Variants in TMEM178B observed in about 807,000 individuals in gnomAD.
The protein encoded by TMEM178B is transmembrane protein 178B.
Under a neutral mutation model 31.0 loss-of-function variants are expected in TMEM178B, and 5 were observed. The ratio of observed to expected loss-of-function variants is 0.16; its 90% CI spans 0.08 to 0.34. The LOEUF (loss-of-function observed/expected upper bound fraction) is 0.34, where lower values mean the gene tolerates loss of function less well. Among genes scored for constraint, TMEM178B ranks in the 10% least tolerant of loss-of-function variants. The pLI is 1.00. For missense variants in TMEM178B, 275 were observed against 400.3 expected, an observed-to-expected ratio of 0.69 and a Z score of 2.67; for synonymous variants, 164 against 164.0, an observed-to-expected ratio of 1.00 and a Z score of 0.00.
Position 141,402,721 on chromosome 7 carries a change from G to C in TMEM178B, c.497-34887G>C, listed in dbSNP as rs556655397. On this transcript the variant is annotated intron_variant, in intron 2 of 3. Transcript: ENST00000565468. ...TTGTAACTTTGGCTAGTTTGGGTCTGTAATTAGCCCCCACCAACCTGTGAT... is the reference window on the plus strand; with the variant it reads ...TTGTAACTTTGGCTAGTTTGGGTCTCTAATTAGCCCCCACCAACCTGTGAT... 2.0e-5 allele frequency among the ~76,000 whole-genome samples: 3 copies of C among 152,368 alleles called. No individual in the cohort carries two copies. In the South Asian group the frequency reaches 6.2e-4, roughly 32 times the overall value.
chr7:141,505,898 A>AGGT, the TMEM178B span, among the ~76,000 whole-genome samples: 1 of 152,222 alleles, frequency 6.6e-6, no homozygotes, highest in East Asian at 1.9e-4. Flanking sequence ...GTAGTAGACC[A>AGGT]GGTGCTGACT....
intron 2 of TMEM178B, among the ~76,000 whole-genome samples, chr7:141,349,955 G>GCATCCATCCATCCATC (rs60758674): frequency 6.7e-6 from 1 of 150,120 alleles, no homozygotes; most frequent in Non-Finnish European, 1.5e-5. Context: ...ATGCATCCAT[G>GCATCCATCCATCCATC]CATCCATCCA....
chr7:141,211,459 T>A (rs920449967), intron 1 of TMEM178B, among the ~76,000 whole-genome samples: 12 of 152,230 alleles, frequency 7.9e-5, no homozygotes, highest in Non-Finnish European at 1.3e-4. Context: ...AGTTCAATCA[T>A]GTGCACCACT....
rs552984993 is a variant in TMEM178B, at chr7:141,161,783, GTGTT to G, written c.383-50804_383-50801del. On this transcript the variant is annotated intron_variant, in intron 1 of 3. Transcript: ENST00000565468. ...GTGGGTGGTGTGTGTGACAGTGTGT[GTGTT>G]TGTGTGTGAAGAGTGTGTATGAGAG... Among the ~76,000 whole-genome samples, 60 of 152,144 alleles carry G rather than the reference GTGTT, an allele frequency of 3.9e-4. 1 individual carries two copies. The Middle Eastern group carries it at 0.027, about 69-fold the overall frequency.
rs1362472089 is a variant in TMEM178B at position 141,176,846 on chromosome 7, T to C, written c.383-35745T>C. ...TATGCGTCTATTTGATTCTTCTCTCTTTTCTTATTAGTCTGGCTAGTGGCC... is the reference window on the plus strand; with the variant it reads ...TATGCGTCTATTTGATTCTTCTCTCCTTTCTTATTAGTCTGGCTAGTGGCC... On this transcript the variant is annotated intron_variant, in intron 1 of 3. Coordinates refer to ENST00000565468, the MANE Select transcript of TMEM178B (RefSeq NM_001195278.2). Among the ~76,000 whole-genome samples, 3 of 152,176 alleles carry C rather than the reference T, an allele frequency of 2.0e-5. No homozygotes were observed. In the East Asian group the frequency reaches 5.8e-4, roughly 29 times the overall value.
chr7:141,394,714 G>C (rs1486543354), intron 2 of TMEM178B, among the ~76,000 whole-genome samples: 1 of 152,108 alleles, frequency 6.6e-6, no homozygotes, highest in East Asian at 1.9e-4. Context: ...GGTATTTTGA[G>C]CAAGTTCTGT....
At chr7:141,454,065 C>T (rs187727290) in intron 3 of TMEM178B, among the ~76,000 whole-genome samples, 225 of 152,182 alleles carry the variant, frequency 1.5e-3, no homozygotes, top group Non-Finnish European at 2.6e-3. Flanking sequence ...CTAAGAATCT[C>T]TTCTTGAAGT....
chr7:141,303,595 G>A (rs1391320013), intron 2 of TMEM178B, among the ~76,000 whole-genome samples: 2 of 152,178 alleles, frequency 1.3e-5, no homozygotes, highest in Non-Finnish European at 2.9e-5. Flanking sequence ...GAGGCCTGAG[G>A]CTGCTCTTGC....
At chr7:141,350,674 C>T (rs908711457) in intron 2 of TMEM178B, among the ~76,000 whole-genome samples, 1 of 151,924 alleles carries the variant, frequency 6.6e-6, no homozygotes, top group African/African-American at 2.4e-5. Flanking sequence ...ATATGTTTAC[C>T]AGGTTAAATT....
At chr7:141,369,806 A>G (rs2116566060) in intron 2 of TMEM178B, among the ~76,000 whole-genome samples, 1 of 152,302 alleles carries the variant, frequency 6.6e-6, no homozygotes, top group East Asian at 1.9e-4. Context: ...CTTTTTCAAC[A>G]CAACTTTTAA....
At chr7:141,467,732 C>T (rs534951287) in intron 3 of TMEM178B, among the ~76,000 whole-genome samples, 4 of 152,178 alleles carry the variant, frequency 2.6e-5, no homozygotes, top group Admixed American at 6.5e-5. Flanking sequence ...GTCTGCCCTC[C>T]GACAGCCGCT....
intron 2 of TMEM178B, among the ~76,000 whole-genome samples, chr7:141,429,340 C>G (rs1187238230): frequency 7.2e-6 from 1 of 138,502 alleles, no homozygotes; most frequent in Non-Finnish European, 1.6e-5. Context: ...CACACACACA[C>G]TCATACAATA....
intron 2 of TMEM178B, among the ~76,000 whole-genome samples, chr7:141,427,522 A>T (rs1441208977): frequency 6.6e-6 from 1 of 152,216 alleles, no homozygotes; most frequent in Non-Finnish European, 1.5e-5. Context: ...ATTCAATTAG[A>T]ACCTTATCTC....
intron 1 of TMEM178B, among the ~76,000 whole-genome samples, chr7:141,116,425 T>G (rs1795319211): frequency 1.3e-5 from 2 of 152,156 alleles, no homozygotes. Flanking sequence ...TTCAAATGTT[T>G]AGTTCATTTA....
chr7:141,325,886 G>A (rs939821332), intron 2 of TMEM178B, among the ~76,000 whole-genome samples: 1 of 152,124 alleles, frequency 6.6e-6, no homozygotes, highest in South Asian at 2.1e-4. Flanking sequence ...TAAAGACCTT[G>A]TAGGTTTAGT....
chr7:141,200,310 G>A (rs1186258442), intron 1 of TMEM178B, among the ~76,000 whole-genome samples: 2 of 152,072 alleles, frequency 1.3e-5, no homozygotes, highest in African/African-American at 2.4e-5. Context: ...GGAATGCAAC[G>A]GTGATTTTTC....
chr7:141,334,556 A>C (rs1407136139), intron 2 of TMEM178B, among the ~76,000 whole-genome samples: 2 of 152,212 alleles, frequency 1.3e-5, no homozygotes, highest in Non-Finnish European at 2.9e-5. Context: ...GAGAAGATAC[A>C]CAACCAAGTT....
intron 1 of TMEM178B, among the ~76,000 whole-genome samples, chr7:141,170,624 A>G (rs887617938): frequency 3.3e-5 from 5 of 152,120 alleles, no homozygotes; most frequent in Non-Finnish European, 7.4e-5. Context: ...ATTCCCCCCC[A>G]TATCTGCTCC....
intron 2 of TMEM178B, among the ~76,000 whole-genome samples, chr7:141,411,101 G>A (rs1283890461): frequency 6.6e-6 from 1 of 151,216 alleles, no homozygotes; most frequent in Non-Finnish European, 1.5e-5. Flanking sequence ...AATTAGAATG[G>A]TGGAGGCTAG....
Sources: gnomAD v4.1 joint callset for allele counts (sites outside exome capture counted in the v4.1 genomes callset) on GRCh38, gnomAD v4.1.1 for gene constraint, MANE v1.5 for transcripts, NCBI Gene and HGNC (gene_info 2026-07-23, HGNC 2026-07-21) for gene names.